The following TSPAN5 variants were observed in gnomAD, a reference collection of about 807,000 sequenced individuals.
TSPAN5 encodes the protein tetraspanin 5, also known as tetraspanin-5.
A neutral mutation model predicts 37.1 loss-of-function variants in TSPAN5; 10 were observed. That is an observed-to-expected ratio of 0.27 (90% CI 0.17 to 0.46). The LOEUF (loss-of-function observed/expected upper bound fraction) is 0.46, where lower values mean the gene tolerates loss of function less well. Ranked by LOEUF, TSPAN5 falls within the 20% of genes least tolerant of loss-of-function variation. The probability of loss-of-function intolerance (pLI) is 1.00; values close to 1 mark genes in which losing one functional copy is unlikely to be tolerated. For synonymous variants in TSPAN5, 110 were observed against 118.9 expected (o/e 0.93, Z 0.48); for missense variants, 195 against 326.6 (o/e 0.60, Z 3.11).
chr4:98,505,030 G>A (rs976723727), intron 2 of TSPAN5, among the ~76,000 whole-genome samples: 1 of 152,028 alleles, frequency 6.6e-6, no homozygotes, highest in Admixed American at 6.5e-5. Context: ...GTTATCAGAA[G>A]GGCATTAATA....
At chr4:98,520,905 G>A (rs1330899065) in intron 1 of TSPAN5, among the ~76,000 whole-genome samples, 3 of 150,430 alleles carry the variant, frequency 2.0e-5, no homozygotes, top group African/African-American at 7.3e-5. Flanking sequence ...GTTTGTGTGG[G>A]GAGACAATTC....
chr4:98,653,250 GC>G (rs958224690), intron 1 of TSPAN5, among the ~76,000 whole-genome samples: 14 of 151,930 alleles, frequency 9.2e-5, no homozygotes, highest in South Asian at 2.1e-4. Context: ...CCTACTTGAT[GC>G]CCCCCCTCCC....
At chr4:98,606,720 T>C (rs567165333) in intron 1 of TSPAN5, among the ~76,000 whole-genome samples, 128 of 152,388 alleles carry the variant, frequency 8.4e-4, no homozygotes, top group Non-Finnish European at 1.4e-3. Context: ...CAGAGGTTTT[T>C]AAAATTCCTG....
rs1180211057 is a variant in TSPAN5 at position 98,476,421 on chromosome 4, G to C, written c.616C>G (p.Gln206Glu). Residue 206 changes from glutamine to glutamate, a missense_variant, in exon 6 of 8, where the codon CAA becomes GAA. By Grantham distance (29) the Gln-to-Glu change is conservative. Transcript: ENST00000305798. Reference sequence around the variant, plus strand: ...CATGAGATTCCACTTACTGGTTTTTGCCTGGCATCATAGCCACACTGAGTG... The same window carrying C: ...CATGAGATTCCACTTACTGGTTTTTCCCTGGCATCATAGCCACACTGAGTG... ...INTQCGYDAR[Q>E]KPEVDQQIVI... 6.2e-7 allele frequency: 1 copy of C among 1,614,076 alleles called. No individual in the cohort carries two copies. Among genetic ancestry groups the C allele is most frequent in the African/African-American group, 1.3e-5 (1 of 74,934 alleles).
At chr4:98,627,191 G>A (rs1230572530) in intron 1 of TSPAN5, among the ~76,000 whole-genome samples, 1 of 152,094 alleles carries the variant, frequency 6.6e-6, no homozygotes, top group African/African-American at 2.4e-5. Flanking sequence ...AAGTGTCAGT[G>A]TCATGAAAGA....
chr4:98,584,389 G>C (rs1199729446), intron 1 of TSPAN5, among the ~76,000 whole-genome samples: 1 of 152,156 alleles, frequency 6.6e-6, no homozygotes. Context: ...ATATGCCTAA[G>C]TATTACTGAG....
chr4:98,507,574 A>T (rs562497579), intron 2 of TSPAN5, 104 bp downstream of exon 2: 5 of 764,194 alleles, frequency 6.5e-6, no homozygotes, highest in Non-Finnish European at 8.2e-6. Context: ...TTAAAGAGCC[A>T]TGTTTATACT....
chr4:98,610,846 C>T (rs1171399751), intron 1 of TSPAN5, among the ~76,000 whole-genome samples: 2 of 152,152 alleles, frequency 1.3e-5, no homozygotes, highest in African/African-American at 4.8e-5. Context: ...CTCCCCGCTA[C>T]TCTTTTTAGT....
intron 1 of TSPAN5, among the ~76,000 whole-genome samples, chr4:98,543,324 G>A (rs1754400219): frequency 6.6e-6 from 1 of 151,960 alleles, no homozygotes; most frequent in Admixed American, 6.6e-5. Flanking sequence ...ATTAGATAAT[G>A]TGTAAATCAT....
intron 1 of TSPAN5, among the ~76,000 whole-genome samples, chr4:98,632,501 T>C (rs1249005747): frequency 2.0e-5 from 3 of 152,080 alleles, no homozygotes; most frequent in African/African-American, 7.2e-5. Flanking sequence ...GGGACACTAT[T>C]AATAAATTAC....
At chr4:98,506,427 T>C (rs1254298391) in intron 2 of TSPAN5, among the ~76,000 whole-genome samples, 1 of 152,260 alleles carries the variant, frequency 6.6e-6, no homozygotes, top group Admixed American at 6.5e-5. Flanking sequence ...TGCTAAAAAG[T>C]AGTTTGTTTT....
chr4:98,500,377 C>T (rs1753318197), intron 2 of TSPAN5: 1 of 152,292 alleles, frequency 6.6e-6, no homozygotes. Flanking sequence ...AAAGAAACAT[C>T]ATCTACAGCA....
At chr4:98,511,982 A>G (rs924521322) in intron 1 of TSPAN5, among the ~76,000 whole-genome samples, 1 of 152,216 alleles carries the variant, frequency 6.6e-6, no homozygotes, top group Non-Finnish European at 1.5e-5. Flanking sequence ...TGGGAGGCCA[A>G]GGTGGGCGGA....
intron 1 of TSPAN5, among the ~76,000 whole-genome samples, chr4:98,584,804 G>A (rs1579009697): frequency 6.6e-6 from 1 of 152,180 alleles, no homozygotes; most frequent in Non-Finnish European, 1.5e-5. Context: ...AAGATGGAGT[G>A]ACCAAGAGAA....
chr4:98,655,544 C>G (rs1757279143), intron 1 of TSPAN5, among the ~76,000 whole-genome samples: 1 of 152,220 alleles, frequency 6.6e-6, no homozygotes. Flanking sequence ...AGAACTATAC[C>G]TTTGAATGTC....
chr4:98,635,148 C>T (rs182417046), intron 1 of TSPAN5, among the ~76,000 whole-genome samples: 9 of 152,326 alleles, frequency 5.9e-5, no homozygotes, highest in African/African-American at 2.2e-4. Context: ...TGACATTTAG[C>T]TAATTTTACA....
At chr4:98,585,991 T>C (rs1755477279) in intron 1 of TSPAN5, among the ~76,000 whole-genome samples, 1 of 152,216 alleles carries the variant, frequency 6.6e-6, no homozygotes, top group Non-Finnish European at 1.5e-5. Flanking sequence ...TCTCAGACTC[T>C]TGAAAAGTTG....
chr4:98,641,935 T>C (rs1756968234), intron 1 of TSPAN5, among the ~76,000 whole-genome samples: 1 of 152,172 alleles, frequency 6.6e-6, no homozygotes, highest in African/African-American at 2.4e-5. Context: ...GATTCCACTA[T>C]GAAAAGGGTA....
At chr4:98,511,250 A>G (rs1483638602) in intron 1 of TSPAN5, among the ~76,000 whole-genome samples, 2 of 152,228 alleles carry the variant, frequency 1.3e-5, no homozygotes, top group East Asian at 3.8e-4. Context: ...CATTTGTTGA[A>G]TGCTAAGTAT....
Sources: gnomAD v4.1 joint callset for allele counts (sites outside exome capture counted in the v4.1 genomes callset) on GRCh38, gnomAD v4.1.1 for gene constraint, MANE v1.5 for transcripts, NCBI Gene and HGNC (gene_info 2026-07-23, HGNC 2026-07-21) for gene names.